The following PTPRS variants were observed in gnomAD, a reference collection of about 807,000 sequenced individuals.
PTPRS encodes the protein receptor-type tyrosine-protein phosphatase S.
In PTPRS, 63 loss-of-function variants were observed where a neutral mutation model predicts 215.3. The observed-to-expected ratio is 0.29, with a 90% CI of 0.24 to 0.36. The LOEUF is 0.36. Ranked by LOEUF, PTPRS falls within the 10% of genes least tolerant of loss-of-function variation. The pLI, the probability that PTPRS is intolerant of heterozygous loss-of-function variation, is 1.00. For synonymous variants in PTPRS, 1,404 were observed against 1,191.4 expected (o/e 1.18, Z -3.68); for missense variants, 2,258 against 2,825.8 (o/e 0.80, Z 4.56).
At chr19:5,267,529 C>CGT in intron 4 of PTPRS, among the ~76,000 whole-genome samples, 1 of 151,968 alleles carries the variant, frequency 6.6e-6, no homozygotes, top group Non-Finnish European at 1.5e-5. Context: ...TGGTGGCGGA[C>CGT]GCCTGTAATC....
At position 5,290,119 on chromosome 19, in the gene PTPRS, C is replaced by G. The variant is rs1047494727; in HGVS notation, c.-94-3885G>C. On this transcript the variant is annotated intron_variant, in intron 1 of 37. Transcript: ENST00000262963. ...AGAAGGAGAGGGAGTGACCGCTGGA[C>G]GCTGAACCCATGTGGGGCTCAGGGA... 2.0e-5 allele frequency among the ~76,000 whole-genome samples: 3 copies of G among 152,234 alleles called. No homozygotes were observed. In the South Asian group the frequency reaches 6.2e-4, roughly 31 times the overall value.
intron 2 of PTPRS, among the ~76,000 whole-genome samples, chr19:5,284,050 T>C (rs1030397763): frequency 2.0e-5 from 3 of 151,268 alleles, no homozygotes; most frequent in African/African-American, 7.3e-5. Flanking sequence ...ACTCCATCTC[T>C]ACAAGAAATT....
Position 5,229,634 on chromosome 19 carries a change from C to A in PTPRS, c.2206G>T (p.Ala736Ser), listed in dbSNP as rs1035485750. The A allele has an allele frequency of 3.0e-6, 4 of 1,352,456 alleles. No individual in the cohort carries two copies. The highest frequency in any genetic ancestry group is 3.1e-5 in the African/African-American group (2 of 65,484). 83.8% of individuals were successfully genotyped at this position (1,352,456 alleles called of 1,614,324 possible). A position where few individuals can be genotyped will look rare whatever the true frequency, so the allele number is the denominator to read the frequency against. ...KVEAEALNAT[A>S]IRVLWRSPAP... Reference sequence around the variant, plus strand: ...GGCGAGCGCCACAGCACGCGGATGGCCGTGGCGTTGAGCGCCTCCGCCTCC... The same window carrying A: ...GGCGAGCGCCACAGCACGCGGATGGACGTGGCGTTGAGCGCCTCCGCCTCC... Residue 736 changes from alanine to serine, a missense_variant, in exon 15 of 38, where the codon GCC becomes TCC. Coordinates refer to ENST00000262963, the MANE Select transcript of PTPRS (RefSeq NM_002850.4).
At chr19:5,266,116 G>A (rs943852533) in intron 4 of PTPRS, among the ~76,000 whole-genome samples, 30 of 151,780 alleles carry the variant, frequency 2.0e-4, no homozygotes, top group African/African-American at 7.3e-4. Flanking sequence ...AAAACTAGCC[G>A]GGCATGATGG....
In PTPRS at chr19:5,212,327, G is replaced by GT. The variant is rs763264794; in HGVS notation, c.4769+9dup. On this transcript the variant is annotated intron_variant, in intron 31 of 37. Transcript: ENST00000262963. ...GGGGAAGCGGATGGGGCAGAGTGGG[G>GT]TGGACGTACCTGCAGTGAACCACGA... The GT allele has an allele frequency of 5.0e-6, 8 of 1,613,338 alleles. No homozygotes were observed. In the African/African-American group the frequency reaches 9.3e-5, roughly 19 times the overall value.
Position 5,233,892 on chromosome 19 carries a change from G to C in PTPRS, c.1850-2277C>G, listed in dbSNP as rs1313778640. 2.4e-5 allele frequency among the ~76,000 whole-genome samples: 3 copies of C among 127,656 alleles called. No individual in the cohort carries two copies. In the South Asian group the frequency reaches 7.9e-4, roughly 34 times the overall value. The allele number at this position is 127,656 out of a possible 152,430, so 83.7% of individuals were successfully genotyped here. ...ACCTGGGAGGCGGAAGTTGCAGTGA[G>C]CCAAGATCGTGCCACTGTACTCCAG... On this transcript the variant is annotated intron_variant, in intron 13 of 37. Transcript: ENST00000262963.
intron 1 of PTPRS, among the ~76,000 whole-genome samples, chr19:5,324,248 A>AG (rs1386990686): frequency 6.3e-5 from 9 of 142,640 alleles, no homozygotes; most frequent in Non-Finnish European, 1.3e-4. Context: ...AAAAAAAAAA[A>AG]AAAGAAAGAA....
intron 1 of PTPRS, among the ~76,000 whole-genome samples, chr19:5,331,729 A>G (rs1006146785): frequency 6.6e-6 from 1 of 152,230 alleles, no homozygotes; most frequent in African/African-American, 2.4e-5. Context: ...AGAACGAGGG[A>G]TGGAGAAGCA....
chr19:5,328,562 C>T (rs75673554), intron 1 of PTPRS, among the ~76,000 whole-genome samples: 10,137 of 152,208 alleles, frequency 0.067, 412 homozygotes, highest in African/African-American at 0.1. Context: ...CCAGACACTA[C>T]GGATATTCAT....
In PTPRS at chr19:5,229,731, G is replaced by A; in HGVS notation, c.2156-47C>T. The A allele has an allele frequency of 1.7e-6, 2 of 1,175,120 alleles. 1 individual carries two copies. The highest frequency in any genetic ancestry group is 7.2e-5 in the South Asian group (2 of 27,726). 72.8% of individuals were successfully genotyped at this position (1,175,120 alleles called of 1,614,324 possible). ...GAGGGGCGGGCGGAGCCGTTACCAG[G>A]GCGCCCGGCCCTGCCCCGGGCAGTG... is the stretch of plus-strand genomic sequence containing the variant. On this transcript the variant is annotated intron_variant, in intron 14 of 37. Coordinates refer to ENST00000262963, the MANE Select transcript of PTPRS (RefSeq NM_002850.4).
Position 5,239,130 on chromosome 19 carries a change from G to A in PTPRS, c.1705-67C>T, listed in dbSNP as rs543078439. On this transcript the variant is annotated intron_variant, in intron 12 of 37. Transcript: ENST00000262963. ...GAGAGAGAGAGACAGAAACAAAGGG[G>A]AGAGAGAGAGAGACAGAAACAGAGG... 9.8e-6 allele frequency: 10 copies of A among 1,018,344 alleles called. No homozygotes were observed. In the Admixed American group the frequency reaches 1.2e-4, roughly 12 times the overall value. The allele number at this position is 1,018,344 out of a possible 1,614,324, so 63.1% of individuals were successfully genotyped here. A position where few individuals can be genotyped will look rare whatever the true frequency, so the allele number is the denominator to read the frequency against.
At chr19:5,324,226 C>CAAAAAAAAAAAAAAAAAAAAAAAA (rs55793961) in intron 1 of PTPRS, among the ~76,000 whole-genome samples, 4 of 73,880 alleles carry the variant, frequency 5.4e-5, no homozygotes, top group African/African-American at 2.1e-4. Context: ...AACCCTGCCT[C>CAAAAAAAAAAAAAAAAAAAAAAAA]AAAAAAAAAA....
intron 2 of PTPRS, among the ~76,000 whole-genome samples, chr19:5,284,299 G>C (rs963605876): frequency 6.6e-6 from 1 of 151,886 alleles, no homozygotes; most frequent in Non-Finnish European, 1.5e-5. Context: ...GGCGGAGGTT[G>C]CAGTGAGCCG....
rs774112947 is a variant in PTPRS, at chr19:5,222,143, TGTA to T, written c.3178_3180del (p.Tyr1060del). 29 of 1,613,574 alleles carry T rather than the reference TGTA, an allele frequency of 1.8e-5. No homozygotes were observed. The highest frequency in any genetic ancestry group is 1.2e-4 in the Admixed American group (7 of 60,002). On this transcript the variant is annotated inframe_deletion, in exon 19 of 38. Coordinates refer to ENST00000262963, the MANE Select transcript of PTPRS (RefSeq NM_002850.4). ...CGCACCTTGTAGGGTGTGGGTGAGTTGTAGTTGTCAGGGAACTCCCAGCTGAGC... is the reference window on the plus strand; with the variant it reads ...CGCACCTTGTAGGGTGTGGGTGAGTTGTTGTCAGGGAACTCCCAGCTGAGC...
intron 1 of PTPRS, among the ~76,000 whole-genome samples, chr19:5,292,200 C>A (rs2048877048): frequency 6.6e-6 from 1 of 152,126 alleles, no homozygotes; most frequent in African/African-American, 2.4e-5. Context: ...GCACTGGATG[C>A]CTGCTGCATA....
At chr19:5,340,084 G>A (rs974821255) in intron 1 of PTPRS, among the ~76,000 whole-genome samples, 2 of 151,828 alleles carry the variant, frequency 1.3e-5, no homozygotes, top group African/African-American at 2.4e-5. Flanking sequence ...TCCAGGGGAG[G>A]GAGACCCGGA....
intron 2 of PTPRS, chr19:5,277,898 T>C (rs1251045934): frequency 2.5e-6 from 3 of 1,213,212 alleles, no homozygotes; most frequent in Non-Finnish European, 3.6e-6. Context: ...CAGATCTTGA[T>C]GCCCAACAGT....
chr19:5,232,206 T>C (rs929972981), intron 13 of PTPRS, among the ~76,000 whole-genome samples: 1 of 151,914 alleles, frequency 6.6e-6, no homozygotes, highest in Admixed American at 6.6e-5. Context: ...ATCTATTTAC[T>C]GAACACCTAC....
intron 32 of PTPRS, 62 bp downstream of exon 32, chr19:5,211,903 G>C: frequency 6.5e-7 from 1 of 1,550,338 alleles, no homozygotes; most frequent in Non-Finnish European, 8.7e-7. Context: ...AGGCGGGCCT[G>C]ATTTTCGGCT....
Sources: allele counts gnomAD v4.1 joint callset (sites outside exome capture counted in the v4.1 genomes callset), GRCh38; gene constraint gnomAD v4.1.1; transcripts MANE v1.5; gene names NCBI Gene and HGNC (gene_info 2026-07-23, HGNC 2026-07-21).